The following CCDC33 variants were observed in gnomAD, a reference collection of about 807,000 sequenced individuals.
CCDC33 encodes the protein coiled-coil domain containing 33.
In CCDC33, 94 loss-of-function variants were observed where a neutral mutation model predicts 91.9. The observed-to-expected ratio is 1.02, with a 90% CI of 0.87 to 1.21. CCDC33 has a LOEUF of 1.21. Among genes scored for constraint, CCDC33 ranks in the 50% most tolerant of loss-of-function variants. The pLI is 0.00. For missense variants in CCDC33, 940 were observed against 935.5 expected (o/e 1.00, Z -0.06); for synonymous variants, 396 against 374.5 (o/e 1.06, Z -0.66).
At position 74,333,938 on chromosome 15, in the gene CCDC33, C is replaced by T. The variant is rs763166112; in HGVS notation, c.1996C>T (p.Gln666Ter). The T allele has an allele frequency of 3.7e-6, 6 of 1,613,696 alleles. No individual in the cohort carries two copies. The highest frequency in any genetic ancestry group is 3.3e-4 in the Middle Eastern group (2 of 6,058). ...CCTCCTGGCCAAGCTGGAACACGCT[C>T]AGAGCCGGATCCTGTCCCTGGAAAG... ...FNLLAKLEHAQSRILSLESQL... is the reference protein window; with the variant it reads ...FNLLAKLEHA Residue 666 changes from glutamine (Q) to a stop codon, truncating the protein, a stop_gained, in exon 17 of 19, where the codon CAG (glutamine) becomes TAG (stop). Transcript: ENST00000398814. LOFTEE classifies it high-confidence loss of function.
intron 10 of CCDC33, among the ~76,000 whole-genome samples, chr15:74,288,514 A>G (rs1053777568): frequency 1.6e-4 from 25 of 152,200 alleles, no homozygotes; most frequent in Middle Eastern, 6.8e-3. Context: ...CTTTGGTTCT[A>G]TTTTAGTATT....
At chr15:74,268,499 G>GGGGGGGGGGGGGGC in intron 5 of CCDC33, 41 bp downstream of exon 5, 4 of 1,236,360 alleles carry the variant, frequency 3.2e-6, no homozygotes, top group Non-Finnish European at 4.6e-6. Context: ...GTGGGGGTGG[G>GGGGGGGGGGGGGGC]AAAGGGCCAA....
At chr15:74,265,397 T>C (rs142564700) in intron 3 of CCDC33, among the ~76,000 whole-genome samples, 209 of 152,278 alleles carry the variant, frequency 1.4e-3, no homozygotes, top group African/African-American at 4.9e-3. Flanking sequence ...CCTCTATCCT[T>C]CTCCTCCTTT....
intron 5 of CCDC33, among the ~76,000 whole-genome samples, chr15:74,270,988 G>T (rs949289410): frequency 1.3e-5 from 2 of 152,156 alleles, no homozygotes; most frequent in African/African-American, 4.8e-5. Context: ...GCGGTCAGGG[G>T]AGTGACAACC....
chr15:74,248,170 T>C (rs2075595635), intron 2 of CCDC33, among the ~76,000 whole-genome samples: 1 of 152,170 alleles, frequency 6.6e-6, no homozygotes, highest in Admixed American at 6.5e-5. Context: ...TGTGAGGTGA[T>C]AGATGTGTTA....
Position 74,218,954 on chromosome 15 carries a change from T to A in CCDC33, c.675+93T>A. The A allele has an allele frequency of 8.6e-7, 1 of 1,164,722 alleles. No individual in the cohort carries two copies. The highest frequency in any genetic ancestry group is 1.6e-5 in the South Asian group (1 of 64,040). The allele number at this position is 1,164,722 out of a possible 1,614,324, so 72.1% of individuals were successfully genotyped here. The stretch of plus-strand genomic sequence containing the variant: ...AGCCAGGCTACCCCCTGTCCTGAGC[T>A]GAGCTGAGCAGAGCAGCAGAGCTCC... On this transcript the variant is annotated intron_variant, in intron 2 of 2. Transcript: ENST00000635913. This position sits in a 1 kb window ranked among gnomAD's most constrained non-coding sequence, Gnocchi z 4.8.
At chr15:74,300,312 C>A (rs767001614) in intron 11 of CCDC33, 1 of 152,250 alleles carries the variant, frequency 6.6e-6, no homozygotes, top group South Asian at 2.1e-4. Flanking sequence ...GGTGCAATCA[C>A]GGGAATGAGT....
rs143396045 is a variant in CCDC33, at chr15:74,239,813, T to C, written c.21+3073T>C. 2.6e-4 allele frequency among the ~76,000 whole-genome samples: 31 copies of C among 120,090 alleles called. No homozygotes were observed. The East Asian group carries it at 7.7e-3, about 30-fold the overall frequency. The allele number at this position is 120,090 out of a possible 152,430, so 78.8% of individuals were successfully genotyped here. A position where few individuals can be genotyped will look rare whatever the true frequency, so the allele number is the denominator to read the frequency against. On this transcript the variant is annotated intron_variant, in intron 1 of 18. Coordinates refer to ENST00000398814, the MANE Select transcript of CCDC33 (RefSeq NM_025055.5). Reference sequence around the variant, plus strand: ...CACCACACCCCTACAGATGAGTTTGTGCAAACTGAGAGTTACGGGGGGGGT... The same window carrying C: ...CACCACACCCCTACAGATGAGTTTGCGCAAACTGAGAGTTACGGGGGGGGT...
chr15:74,246,623 A>C (rs1461524167), intron 2 of CCDC33, among the ~76,000 whole-genome samples: 1 of 152,216 alleles, frequency 6.6e-6, no homozygotes, highest in East Asian at 1.9e-4. Flanking sequence ...AGGAGATAGC[A>C]CCTCACACCT....
At chr15:74,221,847 T>G (rs1397410407) in intron 2 of CCDC33, among the ~76,000 whole-genome samples, 1 of 151,970 alleles carries the variant, frequency 6.6e-6, no homozygotes, top group East Asian at 1.9e-4. Context: ...TCCACTACAC[T>G]CGTCCCACCC....
intron 2 of CCDC33, among the ~76,000 whole-genome samples, chr15:74,260,719 C>T (rs1455639920): frequency 1.3e-5 from 2 of 152,156 alleles, no homozygotes; most frequent in Non-Finnish European, 2.9e-5. Flanking sequence ...CACACCTTGG[C>T]CCGAGCAGCC....
chr15:74,227,469 C>T (rs905940868), intron 2 of CCDC33, among the ~76,000 whole-genome samples: 2 of 152,146 alleles, frequency 1.3e-5, no homozygotes, highest in Admixed American at 6.5e-5. Flanking sequence ...CCGAGTCCTG[C>T]CAAGACAGGT....
intron 2 of CCDC33, among the ~76,000 whole-genome samples, chr15:74,230,126 G>A (rs1338513349): frequency 6.6e-6 from 1 of 152,236 alleles, no homozygotes; most frequent in Non-Finnish European, 1.5e-5. Context: ...CATGAGTGTG[G>A]GTGTGAGGGC....
chr15:74,308,358 G>GACACACACACAC (rs3057604), intron 11 of CCDC33, among the ~76,000 whole-genome samples: 2 of 145,902 alleles, frequency 1.4e-5, no homozygotes, highest in African/African-American at 2.6e-5. Flanking sequence ...CAGACAGACA[G>GACACACACACAC]ACACACACAC....
intron 7 of CCDC33, among the ~76,000 whole-genome samples, chr15:74,278,081 A>T (rs1171562605): frequency 6.6e-6 from 1 of 152,164 alleles, no homozygotes; most frequent in Non-Finnish European, 1.5e-5. Flanking sequence ...CTCTCACCGG[A>T]CCTGTTGGCC....
chr15:74,234,158 C>T (rs2075071977), upstream of CCDC33, among the ~76,000 whole-genome samples: 2 of 152,256 alleles, frequency 1.3e-5, no homozygotes, highest in African/African-American at 4.8e-5. Flanking sequence ...CCAGATCCAG[C>T]CTCAGGGGCT....
At chr15:74,213,194 C>T (rs970837947), upstream of CCDC33, 1 of 147,230 alleles carries the variant, frequency 6.8e-6, no homozygotes, top group Non-Finnish European at 1.5e-5. Context: ...CCAATCTGGG[C>T]GAGAGAGCGA....
At chr15:74,310,310 G>A (rs1049978927) in intron 11 of CCDC33, among the ~76,000 whole-genome samples, 15 of 152,152 alleles carry the variant, frequency 9.9e-5, no homozygotes, top group Admixed American at 7.2e-4. Context: ...AGGCCGAGGC[G>A]GGCAGATCAC....
chr15:74,214,988 C>A (rs2074402807), upstream of CCDC33, among the ~76,000 whole-genome samples: 2 of 152,180 alleles, frequency 1.3e-5, no homozygotes, highest in African/African-American at 4.8e-5. Context: ...AAACATGATT[C>A]CTGAAACAAC....
Sources: allele counts gnomAD v4.1 joint callset (sites outside exome capture counted in the v4.1 genomes callset), GRCh38; gene constraint gnomAD v4.1.1; non-coding constraint Gnocchi (gnomAD v3.1); transcripts MANE v1.5; gene names NCBI Gene and HGNC (gene_info 2026-07-23, HGNC 2026-07-21).